Variants in EPAS1 observed in about 807,000 individuals in gnomAD.
EPAS1 encodes the protein endothelial PAS domain-containing protein 1.
EPAS1 carries 23 observed loss-of-function variants against 87.9 expected under a neutral mutation model. That is an observed-to-expected ratio of 0.26 (90% CI 0.19 to 0.37). The LOEUF (loss-of-function observed/expected upper bound fraction) is 0.37. EPAS1 is among the 10% of genes least tolerant of loss of function. EPAS1 has a pLI of 1.00. For missense variants in EPAS1, 1,138 were observed against 1,120.7 expected (o/e 1.02, Z -0.22); for synonymous variants, 508 against 444.3 (o/e 1.14, Z -1.80).
At position 46,375,616 on chromosome 2, in the gene EPAS1, A is replaced by C. The variant is rs965609624; in HGVS notation, c.887-74A>C. The C allele has an allele frequency of 3.9e-6, 6 of 1,552,616 alleles. No homozygotes were observed. In the African/African-American group the frequency reaches 8.2e-5, roughly 21 times the overall value. On this transcript the variant is annotated intron_variant, in intron 7 of 15. Transcript: ENST00000263734. The surrounding 1 kb of genome is among the most constrained non-coding windows in gnomAD (Gnocchi z 4.1). ...CCCCTGCAGATTAGACTGCCCTCCC[A>C]TGCGATCTGCTGAGCCTGTGGTGCA... is the stretch of plus-strand genomic sequence containing the variant.
Position 46,380,697 on chromosome 2 carries a change from T to C in EPAS1, c.2025T>C (p.His675=). The C allele has an allele frequency of 1.9e-6, 3 of 1,612,856 alleles. No individual in the cohort carries two copies. Among genetic ancestry groups the C allele is most frequent in the East Asian group, 2.2e-5 (1 of 44,880 alleles). The stretch of plus-strand genomic sequence containing the variant: ...TGGGGCCCCCTGTCTCTCCACCCCA[T>C]GTCTCCACCTTCAAGACAAGGTAAG... ...APLGPPVSPP[H]VSTFKTRSAK... Residue 675 remains histidine (H), a synonymous_variant, in exon 12 of 16, where the codon CAT becomes CAC. Coordinates refer to ENST00000263734, the MANE Select transcript of EPAS1 (RefSeq NM_001430.5). The surrounding 1 kb of genome is among the most constrained non-coding windows in gnomAD (Gnocchi z 4.4).
intron 1 of EPAS1, among the ~76,000 whole-genome samples, chr2:46,343,600 C>T (rs997127220): frequency 6.6e-6 from 1 of 152,216 alleles, no homozygotes; most frequent in Admixed American, 6.5e-5. Context: ...TGAGATAACA[C>T]ATGTTAAGAA....
chr2:46,374,178 C>G (rs962500172), intron 7 of EPAS1, among the ~76,000 whole-genome samples: 4 of 152,230 alleles, frequency 2.6e-5, no homozygotes, highest in African/African-American at 7.2e-5. Flanking sequence ...GATTACCAAA[C>G]TGCACTAGTA....
In EPAS1 at chr2:46,303,440, G is replaced by A. The variant is rs1683049240; in HGVS notation, c.26+5503G>A. On this transcript the variant is annotated intron_variant, in intron 1 of 15. Coordinates refer to ENST00000263734, the MANE Select transcript of EPAS1 (RefSeq NM_001430.5). Reference sequence around the variant, plus strand: ...GTACTTCGACACCATACACAGGAAGGCCCCTGAAATGGAATGTTTGCTGTT... The same window carrying A: ...GTACTTCGACACCATACACAGGAAGACCCCTGAAATGGAATGTTTGCTGTT... Among the ~76,000 whole-genome samples, 3 of 152,152 alleles carry A rather than the reference G, an allele frequency of 2.0e-5. No individual in the cohort carries two copies. In the South Asian group the frequency reaches 6.2e-4, roughly 32 times the overall value.
intron 1 of EPAS1, among the ~76,000 whole-genome samples, chr2:46,343,512 TAATCTCTCTA>T (rs1430975492): frequency 6.6e-6 from 1 of 152,238 alleles, no homozygotes; most frequent in East Asian, 1.9e-4. Context: ...GCAAATTATT[TAATCTCTCTA>T]AATCTCCACA....
chr2:46,339,288 C>G (rs1041553221), intron 1 of EPAS1, among the ~76,000 whole-genome samples: 3 of 152,198 alleles, frequency 2.0e-5, no homozygotes, highest in African/African-American at 7.2e-5. Flanking sequence ...TTACCCTTAT[C>G]TTCACCACGG....
At chr2:46,342,079 C>T (rs1683924251) in intron 1 of EPAS1, among the ~76,000 whole-genome samples, 1 of 152,188 alleles carries the variant, frequency 6.6e-6, no homozygotes, top group Non-Finnish European at 1.5e-5. Flanking sequence ...GCTTTTAAAA[C>T]TCCCATTGCC....
rs929630546 is a variant in EPAS1 at position 46,300,504 on chromosome 2, G to T, written c.26+2567G>T. ...TGCTTTCTAAATGTTAGTTGGCTGGGTGTCCTTGATAGTACCAGTTTTGGT... is the reference window on the plus strand; with the variant it reads ...TGCTTTCTAAATGTTAGTTGGCTGGTTGTCCTTGATAGTACCAGTTTTGGT... On this transcript the variant is annotated intron_variant, in intron 1 of 15. Coordinates refer to ENST00000263734, the MANE Select transcript of EPAS1 (RefSeq NM_001430.5). This position sits in a 1 kb window ranked among gnomAD's most constrained non-coding sequence, Gnocchi z 4.1. 6.6e-6 allele frequency among the ~76,000 whole-genome samples: 1 copy of T among 152,178 alleles called. No homozygotes were observed. Among genetic ancestry groups the T allele is most frequent in the East Asian group, 1.9e-4 (1 of 5,202 alleles).
In EPAS1 at chr2:46,297,515, G is replaced by T. The variant is rs1462549583; in HGVS notation, c.-397G>T. 2 of 305,692 alleles carry T rather than the reference G, an allele frequency of 6.5e-6. No homozygotes were observed. Among genetic ancestry groups the T allele is most frequent in the East Asian group, 2.1e-4 (2 of 9,604 alleles). 18.9% of individuals were successfully genotyped at this position (305,692 alleles called of 1,614,324 possible). On this transcript the variant is annotated 5_prime_UTR_variant, in exon 1 of 16. Transcript: ENST00000263734. ...GCAGTGTCCTGAGACTGTATGGTCA[G>T]CTCAGCCCGGCCTCCGACTCCTTCC... is the stretch of plus-strand genomic sequence containing the variant.
rs2103683123 is a variant in EPAS1 at position 46,384,787 on chromosome 2, G to C, written c.*127G>C. The stretch of plus-strand genomic sequence containing the variant: ...ATTTACAAGATGGACTTACCTGGCA[G>C]ACTTGCCCAGGTCACCAAGCAGTGG... On this transcript the variant is annotated 3_prime_UTR_variant, in exon 16 of 16. Coordinates refer to ENST00000263734, the MANE Select transcript of EPAS1 (RefSeq NM_001430.5). 1 of 1,281,224 alleles carries C rather than the reference G, an allele frequency of 7.8e-7. No homozygotes were observed. Among genetic ancestry groups the C allele is most frequent in the Non-Finnish European group, 1.1e-6 (1 of 919,568 alleles). The allele number at this position is 1,281,224 out of a possible 1,614,324, so 79.4% of individuals were successfully genotyped here.
chr2:46,337,009 A>G (rs1664709607), intron 1 of EPAS1, among the ~76,000 whole-genome samples: 1 of 152,210 alleles, frequency 6.6e-6, no homozygotes, highest in African/African-American at 2.4e-5. Context: ...CCAGATGGAA[A>G]CCGTCTATTC....
intron 1 of EPAS1, among the ~76,000 whole-genome samples, chr2:46,327,096 G>C (rs949689812): frequency 1.8e-4 from 27 of 152,206 alleles, no homozygotes; most frequent in South Asian, 6.2e-4. Flanking sequence ...CCTTGAGCTA[G>C]TGACTTACAA....
intron 1 of EPAS1, among the ~76,000 whole-genome samples, chr2:46,332,582 A>G (rs565706628): frequency 3.3e-5 from 5 of 152,244 alleles, no homozygotes; most frequent in Admixed American, 2.6e-4. Flanking sequence ...GCTAATGGAC[A>G]GTGTTTTTTC....
chr2:46,337,510 C>T (rs945429854), intron 1 of EPAS1, among the ~76,000 whole-genome samples: 2 of 152,254 alleles, frequency 1.3e-5, no homozygotes, highest in African/African-American at 4.8e-5. Context: ...TGCTTCATGC[C>T]GAGGAATCCG....
In EPAS1 at chr2:46,369,829, T is replaced by G; in HGVS notation, c.782T>G (p.Ile261Ser). 1.2e-6 allele frequency: 2 copies of G among 1,611,882 alleles called. No individual in the cohort carries two copies. Among genetic ancestry groups the G allele is most frequent in the Non-Finnish European group, 1.7e-6 (2 of 1,178,850 alleles). ...DMKFTYCDDR[I>S]TELIGYHPEE... ...ATGCTGCCTTTTTAAAAACTCAGAA[T>G]CACAGAACTGATTGGTTACCACCCT... Residue 261 changes from isoleucine (I) to serine (S), a missense_variant and splice_region_variant, in exon 7 of 16, where the codon ATC becomes AGC. Physicochemically the swap from Ile to Ser is moderately radical, Grantham distance 142. Around this residue, in one of 4 missense-constraint regions of EPAS1, gnomAD observed 351 missense variants for 417.1 expected, o/e 0.84. Coordinates refer to ENST00000263734, the MANE Select transcript of EPAS1 (RefSeq NM_001430.5).
intron 6 of EPAS1, among the ~76,000 whole-genome samples, chr2:46,367,928 C>T (rs556572772): frequency 1.1e-4 from 16 of 152,230 alleles, no homozygotes; most frequent in African/African-American, 3.9e-4. Context: ...CATGTGTGCG[C>T]ACACACATTG....
intron 7 of EPAS1, among the ~76,000 whole-genome samples, chr2:46,372,083 C>A (rs183558529): frequency 6.6e-6 from 1 of 152,182 alleles, no homozygotes; most frequent in African/African-American, 2.4e-5. Flanking sequence ...GTGCTTTTTA[C>A]TGAATCCGTG....
chr2:46,346,656 A>G lies in EPAS1; in HGVS notation c.27-217A>G, dbSNP rs560511168. On this transcript the variant is annotated intron_variant, in intron 1 of 15. Coordinates refer to ENST00000263734, the MANE Select transcript of EPAS1 (RefSeq NM_001430.5). This position sits in a 1 kb window ranked among gnomAD's most constrained non-coding sequence, Gnocchi z 4.0. The stretch of plus-strand genomic sequence containing the variant: ...TGTTCTGGCCTCCACAGGGAATGCA[A>G]GAGGAGGACTTTGGTTGTGAAGACA... Among the ~76,000 whole-genome samples, 42 of 152,306 alleles carry G rather than the reference A, an allele frequency of 2.8e-4. No homozygotes were observed. Among genetic ancestry groups the G allele is most frequent in the African/African-American group, 9.4e-4 (39 of 41,554 alleles).
rs145825205 is a variant in EPAS1, at chr2:46,375,120, G to A, written c.887-570G>A. Among the ~76,000 whole-genome samples the A allele has an allele frequency of 4.7e-5, 7 of 150,120 alleles. No individual in the cohort carries two copies. Among genetic ancestry groups the A allele is most frequent in the African/African-American group, 1.7e-4 (7 of 41,120 alleles). On this transcript the variant is annotated intron_variant, in intron 7 of 15. Transcript: ENST00000263734. The surrounding 1 kb of genome is among the most constrained non-coding windows in gnomAD (Gnocchi z 4.1). ...CTGACAGATGACCTGGAGAAATCAAGGATATCAATGTTTTAAATGCTTTTA... is the reference window on the plus strand; with the variant it reads ...CTGACAGATGACCTGGAGAAATCAAAGATATCAATGTTTTAAATGCTTTTA...
Sources: allele counts gnomAD v4.1 joint callset (sites outside exome capture counted in the v4.1 genomes callset), GRCh38; gene constraint gnomAD v4.1.1; regional missense constraint gnomAD v4.1.1; non-coding constraint Gnocchi (gnomAD v3.1); transcripts MANE v1.5; gene names NCBI Gene and HGNC (gene_info 2026-07-23, HGNC 2026-07-21).